ATP10B: variants seen among roughly 807,000 people sequenced by gnomAD.
ATP10B encodes ATPase phospholipid transporting 10B (putative).
In ATP10B, 122 loss-of-function variants were observed where a neutral mutation model predicts 141.2. The ratio of observed to expected loss-of-function variants is 0.86; its 90% CI spans 0.75 to 1.00. The LOEUF (loss-of-function observed/expected upper bound fraction) is 1.00. Among genes scored for constraint, ATP10B ranks in the 50% least tolerant of loss-of-function variants. ATP10B has a pLI of 0.00. For synonymous variants in ATP10B, 685 were observed against 692.0 expected (o/e 0.99, Z 0.16); for missense variants, 1,876 against 1,825.3 (o/e 1.03, Z -0.51).
the ATP10B span, among the ~76,000 whole-genome samples, chr5:160,928,107 C>T: frequency 3.9e-5 from 6 of 152,098 alleles, no homozygotes; most frequent in Admixed American, 3.3e-4. Context: ...AGTCATGAGT[C>T]CAGTGAACCA....
At chr5:160,863,212 A>G in the ATP10B span, among the ~76,000 whole-genome samples, 1 of 151,992 alleles carries the variant, frequency 6.6e-6, no homozygotes, top group Non-Finnish European at 1.5e-5. Flanking sequence ...AGACAGGGAT[A>G]ATAACCAATC....
chr5:160,795,711 G>A (rs1258027262), intron 1 of ATP10B, among the ~76,000 whole-genome samples: 2 of 151,948 alleles, frequency 1.3e-5, no homozygotes, highest in Non-Finnish European at 1.5e-5. Flanking sequence ...GGCAGAGGGA[G>A]ATTTGAGATC....
At chr5:160,766,387 CACT>C in intron 2 of ATP10B, among the ~76,000 whole-genome samples, 1 of 139,704 alleles carries the variant, frequency 7.2e-6, no homozygotes, top group African/African-American at 2.6e-5. Flanking sequence ...CACACACAGA[CACT>C]CACCATGGAA....
chr5:160,847,917 T>C (rs1310376237), intron 1 of ATP10B, among the ~76,000 whole-genome samples: 2 of 152,192 alleles, frequency 1.3e-5, no homozygotes, highest in Non-Finnish European at 1.5e-5. Context: ...GAAATTACCT[T>C]TGAGCTCTGA....
chr5:160,700,989 G>A (rs1039981674), intron 3 of ATP10B, among the ~76,000 whole-genome samples: 1 of 152,042 alleles, frequency 6.6e-6, no homozygotes, highest in Non-Finnish European at 1.5e-5. Context: ...AAGTCCTGTT[G>A]GTTGTAAGCC....
chr5:160,632,483 G>GA, intron 12 of ATP10B, 116 bp from the exon 13 acceptor site: 1 of 942,822 alleles, frequency 1.1e-6, no homozygotes, highest in Non-Finnish European at 1.6e-6. Context: ...ATGCTACTCT[G>GA]AAAAATTGGC....
the ATP10B span, among the ~76,000 whole-genome samples, chr5:160,879,819 C>T: frequency 6.6e-6 from 1 of 152,106 alleles, no homozygotes; most frequent in Non-Finnish European, 1.5e-5. Flanking sequence ...GCCTGGGCGA[C>T]AGAGCAAGAC....
At chr5:160,691,262 G>A (rs1387706438) in intron 3 of ATP10B, among the ~76,000 whole-genome samples, 7 of 152,006 alleles carry the variant, frequency 4.6e-5, no homozygotes, top group South Asian at 2.1e-4. Flanking sequence ...TATAGATGAC[G>A]GGTTGATGGG....
intron 23 of ATP10B, 124 bp downstream of exon 23, chr5:160,590,934 CA>C (rs1756244976): frequency 1.4e-6 from 1 of 728,940 alleles, no homozygotes; most frequent in African/African-American, 1.8e-5. Flanking sequence ...ATGTAACCTG[CA>C]GGCTACCTGT....
intron 7 of ATP10B, among the ~76,000 whole-genome samples, chr5:160,654,488 T>C (rs1408248518): frequency 6.6e-6 from 1 of 152,180 alleles, no homozygotes; most frequent in African/African-American, 2.4e-5. Flanking sequence ...AGACCAATCC[T>C]TTCCAGAGAA....
intron 13 of ATP10B, among the ~76,000 whole-genome samples, chr5:160,628,813 A>G (rs12153313): frequency 0.071 from 10,759 of 152,258 alleles, 477 homozygotes; most frequent in Middle Eastern, 0.13. Context: ...ATCTGCCAGT[A>G]CTATTAAACA....
In ATP10B at chr5:160,569,636, A is replaced by G; in HGVS notation, c.3798T>C (p.Phe1266=). 6.2e-7 allele frequency: 1 copy of G among 1,606,914 alleles called. No individual in the cohort carries two copies. Among genetic ancestry groups the G allele is most frequent in the Non-Finnish European group, 8.5e-7 (1 of 1,177,078 alleles). The stretch of plus-strand genomic sequence containing the variant: ...TGGCATTGTACAGGAGGGATACCAG[A>G]AAGTACATCAGGAAGCTGCCGAGGA... ...VVLLGSFLMY[F]LVSLLYNATC... is the part of the protein sequence containing the mutation. The change falls in exon 25 of 26, where the codon TTT becomes TTC. Residue 1266 remains phenylalanine (F), a synonymous_variant. Transcript: ENST00000327245.
At chr5:160,796,511 T>A (rs1771958690) in intron 1 of ATP10B, among the ~76,000 whole-genome samples, 1 of 152,176 alleles carries the variant, frequency 6.6e-6, no homozygotes, top group Non-Finnish European at 1.5e-5. Flanking sequence ...TCTAAATGAG[T>A]TCTTTCCCAG....
chr5:160,599,017 C>T (rs764077152), intron 21 of ATP10B, 47 bp from the exon 22 acceptor site: 37 of 1,586,764 alleles, frequency 2.3e-5, no homozygotes, highest in South Asian at 2.0e-4. Flanking sequence ...CATGTGCAGC[C>T]GGTCACCAGC....
intron 6 of ATP10B, among the ~76,000 whole-genome samples, chr5:160,685,777 G>A (rs1763712062): frequency 6.6e-6 from 1 of 151,990 alleles, no homozygotes; most frequent in Admixed American, 6.6e-5. Flanking sequence ...CAGCACTATT[G>A]ACATTTTGAC....
At chr5:160,821,543 C>T (rs1774104371) in intron 1 of ATP10B, among the ~76,000 whole-genome samples, 1 of 151,844 alleles carries the variant, frequency 6.6e-6, no homozygotes. Context: ...ATAAAAGACC[C>T]AGAAGAATCA....
At chr5:160,642,113 G>A (rs993101467) in intron 9 of ATP10B, among the ~76,000 whole-genome samples, 1 of 152,232 alleles carries the variant, frequency 6.6e-6, no homozygotes, top group South Asian at 2.1e-4. Flanking sequence ...GTGGGCTCTA[G>A]AGTCGGAGCT....
chr5:160,806,966 T>C (rs1274644202), intron 1 of ATP10B, among the ~76,000 whole-genome samples: 2 of 151,966 alleles, frequency 1.3e-5, no homozygotes, highest in Admixed American at 1.3e-4. Context: ...CAAATGAAAT[T>C]AGCCTCATTT....
In ATP10B at chr5:160,638,041, G is replaced by C. The variant is rs1400698884; in HGVS notation, c.1001-1732C>G. ...CTGGAGCCCCAGCACGTGTTGGATGGTCAGGAGGGCCAGGGCAGAGTATTC... is the reference window on the plus strand; with the variant it reads ...CTGGAGCCCCAGCACGTGTTGGATGCTCAGGAGGGCCAGGGCAGAGTATTC... On this transcript the variant is annotated intron_variant, in intron 10 of 25. Coordinates refer to ENST00000327245, the MANE Select transcript of ATP10B (RefSeq NM_025153.3). Among the ~76,000 whole-genome samples, 3 of 152,324 alleles carry C rather than the reference G, an allele frequency of 2.0e-5. No individual in the cohort carries two copies. The East Asian group carries it at 5.8e-4, about 29-fold the overall frequency.
Sources: gnomAD v4.1 joint callset for allele counts (sites outside exome capture counted in the v4.1 genomes callset) on GRCh38, gnomAD v4.1.1 for gene constraint, MANE v1.5 for transcripts, NCBI Gene and HGNC (gene_info 2026-07-23, HGNC 2026-07-21) for gene names.